The following CDH18 variants were observed in gnomAD, a reference collection of about 807,000 sequenced individuals.
CDH18 encodes the protein cadherin-18.
CDH18 carries 31 observed loss-of-function variants against 67.9 expected under a neutral mutation model. That is an observed-to-expected ratio of 0.46 (90% CI 0.34 to 0.62). CDH18 has a LOEUF of 0.62. Ranked by LOEUF, CDH18 falls within the 20% of genes least tolerant of loss-of-function variation. CDH18 has a pLI of 0.01. For missense variants in CDH18, 890 were observed against 975.5 expected (o/e 0.91, Z 1.17); for synonymous variants, 362 against 347.2 (o/e 1.04, Z -0.48).
chr5:20,086,781 C>T (rs1400579911), intron 2 of CDH18, among the ~76,000 whole-genome samples: 2 of 152,140 alleles, frequency 1.3e-5, no homozygotes, highest in Non-Finnish European at 2.9e-5. Flanking sequence ...TTTCTAAATA[C>T]TAATGCTCAT....
intron 1 of CDH18, among the ~76,000 whole-genome samples, chr5:20,533,229 C>G (rs1006872006): frequency 6.6e-6 from 1 of 152,080 alleles, no homozygotes; most frequent in African/African-American, 2.4e-5. Context: ...CAGATACTTT[C>G]AGAGCCTTCA....
chr5:20,221,028 T>C (rs981313644), intron 2 of CDH18, among the ~76,000 whole-genome samples: 6 of 152,126 alleles, frequency 3.9e-5, no homozygotes, highest in African/African-American at 1.4e-4. Context: ...GGTGGGTGTG[T>C]AAATTAATAC....
chr5:20,189,170 A>G (rs1340569353), intron 2 of CDH18, among the ~76,000 whole-genome samples: 1 of 151,974 alleles, frequency 6.6e-6, no homozygotes, highest in Non-Finnish European at 1.5e-5. Context: ...CCTGTTTTTT[A>G]TTTGACTTCT....
At position 20,124,395 on chromosome 5, in the gene CDH18, GA is replaced by G. The variant is rs377169405; in HGVS notation, c.-518+131048del. Among the ~76,000 whole-genome samples, 96 of 152,292 alleles carry G rather than the reference GA, an allele frequency of 6.3e-4. No homozygotes were observed. In the South Asian group the frequency reaches 0.017, roughly 27 times the overall value. On this transcript the variant is annotated intron_variant, in intron 2 of 14. Coordinates refer to the CDH18 transcript ENST00000507958. Reference sequence around the variant, plus strand: ...ATCTGAGGAAGCCAGATTTAAGTAGGAAAACAGGGTCTCTAACTCAGTTACA... The same window carrying G: ...ATCTGAGGAAGCCAGATTTAAGTAGGAAACAGGGTCTCTAACTCAGTTACA...
At chr5:19,559,091 T>G (rs1293238899) in intron 8 of CDH18, among the ~76,000 whole-genome samples, 4 of 152,170 alleles carry the variant, frequency 2.6e-5, no homozygotes, top group Non-Finnish European at 5.9e-5. Context: ...CTTCTCTTCT[T>G]GGTTAATCTC....
At chr5:19,785,201 T>C (rs1055280464) in intron 3 of CDH18, among the ~76,000 whole-genome samples, 1 of 152,150 alleles carries the variant, frequency 6.6e-6, no homozygotes, top group African/African-American at 2.4e-5. Context: ...TACAAAAGAA[T>C]GGTATCTGTC....
At chr5:20,014,829 T>TGGGAAAATA (rs910824263) in intron 2 of CDH18, among the ~76,000 whole-genome samples, 1 of 152,202 alleles carries the variant, frequency 6.6e-6, no homozygotes, top group Non-Finnish European at 1.5e-5. Context: ...TTTTTCCATC[T>TGGGAAAATA]GGGAAAATAT....
intron 1 of CDH18, among the ~76,000 whole-genome samples, chr5:20,301,163 T>C (rs900212418): frequency 6.6e-6 from 1 of 151,630 alleles, no homozygotes; most frequent in Non-Finnish European, 1.5e-5. Flanking sequence ...AGTAATTGTA[T>C]AGACAGTGTT....
intron 8 of CDH18, among the ~76,000 whole-genome samples, chr5:19,571,162 A>G (rs567907635): frequency 6.6e-6 from 1 of 152,344 alleles, no homozygotes; most frequent in South Asian, 2.1e-4. Context: ...AGAAAGCCAC[A>G]CAGCTAGGCT....
intron 2 of CDH18, among the ~76,000 whole-genome samples, chr5:19,906,062 G>A (rs1790498037): frequency 6.6e-6 from 1 of 151,848 alleles, no homozygotes; most frequent in East Asian, 1.9e-4. Flanking sequence ...TGAATAATCT[G>A]CAGAGATAGT....
intron 1 of CDH18, among the ~76,000 whole-genome samples, chr5:20,440,030 AAATAT>A (rs1304141410): frequency 6.6e-6 from 1 of 151,822 alleles, no homozygotes. Context: ...CCTTAAAATA[AAATAT>A]ATTAGTAAAT....
intron 1 of CDH18, among the ~76,000 whole-genome samples, chr5:20,495,019 A>G (rs979403068): frequency 3.9e-5 from 6 of 152,202 alleles, no homozygotes; most frequent in Non-Finnish European, 5.9e-5. Context: ...ATGACGAAAA[A>G]TAAGAGGAAA....
rs758485322 is a variant in CDH18, at chr5:19,503,047, G to C, written c.1575C>G (p.Phe525Leu). ...TTACAGGCAGGCGTTCATCAAGAAA[G>C]AAGTTAAACCTTGGTCCATTGGCAA... ...DDFANGPRFN[F>L]FLDERLPVNP... The change falls in exon 11 of 13, where the codon TTC (phenylalanine) becomes TTG (leucine). Residue 525 changes from phenylalanine to leucine, a missense_variant. Phe to Leu is a conservative substitution (Grantham distance 22). Coordinates refer to ENST00000382275, the MANE Select transcript of CDH18 (RefSeq NM_004934.5). 1 of 1,613,046 alleles carries C rather than the reference G, an allele frequency of 6.2e-7. No individual in the cohort carries two copies. Among genetic ancestry groups the C allele is most frequent in the South Asian group, 1.1e-5 (1 of 91,070 alleles).
intron 11 of CDH18, among the ~76,000 whole-genome samples, chr5:19,490,363 T>C (rs892532565): frequency 1.3e-5 from 2 of 150,328 alleles, no homozygotes; most frequent in Admixed American, 1.3e-4. Flanking sequence ...TAGTTTTTTT[T>C]ATATATGATA....
chr5:19,632,410 C>T (rs1163702789), intron 5 of CDH18, among the ~76,000 whole-genome samples: 2 of 152,170 alleles, frequency 1.3e-5, no homozygotes, highest in Admixed American at 6.5e-5. Flanking sequence ...TTTATAACCA[C>T]ATTTTTCACA....
intron 1 of CDH18, among the ~76,000 whole-genome samples, chr5:20,336,306 T>C (rs1174271424): frequency 6.6e-6 from 1 of 152,000 alleles, no homozygotes; most frequent in East Asian, 1.9e-4. Context: ...AGTTAGGGGC[T>C]GGTTAGGCAG....
At chr5:19,805,922 C>T (rs936420900) in intron 3 of CDH18, among the ~76,000 whole-genome samples, 5 of 152,304 alleles carry the variant, frequency 3.3e-5, no homozygotes, top group African/African-American at 1.2e-4. Flanking sequence ...GATTCCCAAA[C>T]ACTTATGGAT....
chr5:20,321,721 A>G (rs1045191756), intron 1 of CDH18, among the ~76,000 whole-genome samples: 3 of 151,462 alleles, frequency 2.0e-5, no homozygotes, highest in African/African-American at 7.3e-5. Context: ...AATTTCCTTC[A>G]GATATGTTAT....
chr5:20,450,890 G>A (rs115210800), intron 1 of CDH18, among the ~76,000 whole-genome samples: 2 of 152,230 alleles, frequency 1.3e-5, no homozygotes, highest in East Asian at 1.9e-4. Context: ...GGTAAATGCC[G>A]AGCAAAGTCA....
Sources: allele counts gnomAD v4.1 joint callset (sites outside exome capture counted in the v4.1 genomes callset), GRCh38; gene constraint gnomAD v4.1.1; transcripts MANE v1.5; gene names NCBI Gene and HGNC (gene_info 2026-07-23, HGNC 2026-07-21).